PTPN14: variants seen among roughly 807,000 people sequenced by gnomAD.
PTPN14 encodes the protein protein tyrosine phosphatase non-receptor type 14.
PTPN14 carries 53 observed loss-of-function variants against 126.8 expected under a neutral mutation model. The ratio of observed to expected loss-of-function variants is 0.42; its 90% CI spans 0.34 to 0.53. The LOEUF (loss-of-function observed/expected upper bound fraction) is 0.53, where lower values mean the gene tolerates loss of function less well. Among genes scored for constraint, PTPN14 ranks in the 20% least tolerant of loss-of-function variants. The pLI is 0.08. For missense variants in PTPN14, 1,257 were observed against 1,552.9 expected (o/e 0.81, Z 3.20); for synonymous variants, 630 against 599.3 (o/e 1.05, Z -0.75).
intron 1 of PTPN14, among the ~76,000 whole-genome samples, chr1:214,479,406 C>A (rs542948621): frequency 6.8e-6 from 1 of 147,688 alleles, no homozygotes; most frequent in Non-Finnish European, 1.5e-5. Context: ...ATGGCGTGAT[C>A]TTGGCTCACT....
At position 214,509,987 on chromosome 1, in the gene PTPN14, A is replaced by G. The variant is rs960314522; in HGVS notation, c.-155+41196T>C. 3.0e-4 allele frequency among the ~76,000 whole-genome samples: 46 copies of G among 152,340 alleles called. 1 individual carries two copies. Among genetic ancestry groups the G allele is most frequent in the African/African-American group, 1.1e-3 (44 of 41,578 alleles). ...GGAACATCACACACCGGGGCCTTTC[A>G]GGTAGCTTTCAGGCTATCTTGGCTT... On this transcript the variant is annotated intron_variant, in intron 1 of 18. Transcript: ENST00000366956.
intron 2 of PTPN14, among the ~76,000 whole-genome samples, chr1:214,455,478 C>T (rs1660362113): frequency 6.6e-6 from 1 of 152,138 alleles, no homozygotes; most frequent in Admixed American, 6.5e-5. Context: ...CATGATACCT[C>T]CTCTGGGTGA....
intron 1 of PTPN14, among the ~76,000 whole-genome samples, chr1:214,481,171 T>C (rs1660976427): frequency 6.6e-6 from 1 of 152,124 alleles, no homozygotes; most frequent in African/African-American, 2.4e-5. Context: ...AAATGCAACA[T>C]TTGAAACAGA....
intron 2 of PTPN14, among the ~76,000 whole-genome samples, chr1:214,456,520 A>G (rs1660386840): frequency 6.6e-6 from 1 of 152,152 alleles, no homozygotes; most frequent in South Asian, 2.1e-4. Flanking sequence ...TAGGTCTGAG[A>G]TTTCTATAAC....
At chr1:214,369,805 G>A (rs1166749208) in intron 16 of PTPN14, 114 bp from the exon 17 acceptor site, 4 of 889,484 alleles carry the variant, frequency 4.5e-6, no homozygotes, top group African/African-American at 3.3e-5. Flanking sequence ...CGCTAGTTCA[G>A]TAGCACTCTG....
intron 1 of PTPN14, among the ~76,000 whole-genome samples, chr1:214,547,910 GAAAA>G (rs57550281): frequency 8.0e-6 from 1 of 125,524 alleles, no homozygotes; most frequent in East Asian, 2.3e-4. Context: ...CCAATAGACT[GAAAA>G]AAAAAAAAAA....
chr1:214,459,562 C>T (rs1660462710), intron 2 of PTPN14, among the ~76,000 whole-genome samples: 1 of 151,762 alleles, frequency 6.6e-6, no homozygotes, highest in African/African-American at 2.4e-5. Flanking sequence ...CTCCAACTCC[C>T]TGGTTCAAGT....
At position 214,364,495 on chromosome 1, in the gene PTPN14, A is replaced by G. The variant is rs1361666282; in HGVS notation, c.3435+17T>C. 1 of 1,611,996 alleles carries G rather than the reference A, an allele frequency of 6.2e-7. No homozygotes were observed. Among genetic ancestry groups the G allele is most frequent in the Admixed American group, 1.7e-5 (1 of 59,878 alleles). On this transcript the variant is annotated intron_variant, in intron 18 of 18. Transcript: ENST00000366956. The surrounding 1 kb of genome is among the most constrained non-coding windows in gnomAD (Gnocchi z 4.1). ...CCCCAAGGTGGAGTATCCGGAGAGA[A>G]GCCCAGAATGACTCACTTCGTTATG... is the stretch of plus-strand genomic sequence containing the variant.
chr1:214,504,791 GAGGTA>G (rs1654792463), intron 1 of PTPN14, among the ~76,000 whole-genome samples: 1 of 152,116 alleles, frequency 6.6e-6, no homozygotes, highest in Non-Finnish European at 1.5e-5. Flanking sequence ...TTTCCTGCAG[GAGGTA>G]AGGTAACATA....
intron 3 of PTPN14, among the ~76,000 whole-genome samples, chr1:214,434,382 C>T (rs193003778): frequency 6.6e-6 from 1 of 152,160 alleles, no homozygotes; most frequent in East Asian, 1.9e-4. Flanking sequence ...CCAGGGCTGG[C>T]AGTGTCCTCT....
chr1:214,412,691 ATTAGTTAGAGAAGGT>A (rs1026559806), intron 4 of PTPN14, among the ~76,000 whole-genome samples: 4 of 152,218 alleles, frequency 2.6e-5, no homozygotes, highest in African/African-American at 4.8e-5. Flanking sequence ...TTTGAAAAGG[ATTAGTTAGAGAAGGT>A]TTCATCAGAC....
intron 1 of PTPN14, chr1:214,528,336 T>G (rs950980333): frequency 6.6e-6 from 1 of 152,136 alleles, no homozygotes; most frequent in African/African-American, 2.4e-5. Flanking sequence ...ATAACCCAAA[T>G]AGTCAACAAA....
At chr1:214,492,836 T>G (rs1661280428) in intron 1 of PTPN14, among the ~76,000 whole-genome samples, 1 of 150,388 alleles carries the variant, frequency 6.6e-6, no homozygotes, top group Non-Finnish European at 1.5e-5. Flanking sequence ...AGGCAGAGGT[T>G]GCAGTGAGCC....
At chr1:214,464,429 G>A (rs1036374313) in intron 2 of PTPN14, among the ~76,000 whole-genome samples, 18 of 152,128 alleles carry the variant, frequency 1.2e-4, no homozygotes, top group African/African-American at 4.1e-4. Context: ...AGCTCTAGGC[G>A]GTGTTCAAGT....
rs1229566789 is a variant in PTPN14, at chr1:214,356,112, C to T, written c.*1810G>A. On this transcript the variant is annotated 3_prime_UTR_variant, in exon 19 of 19. Coordinates refer to ENST00000366956, the MANE Select transcript of PTPN14 (RefSeq NM_005401.5). ...CAGCTGGGACTACCAGGGCATACCA[C>T]CACGCCTGGCTAATTTTTGTACTTT... 2 of 152,084 alleles carry T rather than the reference C, an allele frequency of 1.3e-5. No homozygotes were observed. The highest frequency in any genetic ancestry group is 2.4e-5 in the African/African-American group (1 of 41,356). 9.4% of individuals were successfully genotyped at this position (152,084 alleles called of 1,614,324 possible).
chr1:214,491,113 C>T (rs1661238323), intron 1 of PTPN14, among the ~76,000 whole-genome samples: 1 of 151,912 alleles, frequency 6.6e-6, no homozygotes, highest in Non-Finnish European at 1.5e-5. Flanking sequence ...TATGGCATAA[C>T]CCCCTACCCA....
intron 17 of PTPN14, among the ~76,000 whole-genome samples, chr1:214,368,464 G>A (rs1658137157): frequency 1.3e-5 from 2 of 152,080 alleles, no homozygotes; most frequent in African/African-American, 2.4e-5. Flanking sequence ...GCCTCCCAAA[G>A]TGCTGGGATT....
chr1:214,366,367 C>A (rs780834981), intron 17 of PTPN14, among the ~76,000 whole-genome samples: 1 of 152,142 alleles, frequency 6.6e-6, no homozygotes, highest in Non-Finnish European at 1.5e-5. Flanking sequence ...AGAGACAAAG[C>A]TTTACTTGAG....
chr1:214,394,135 T>G (rs1658822230), intron 9 of PTPN14, among the ~76,000 whole-genome samples: 1 of 152,234 alleles, frequency 6.6e-6, no homozygotes, highest in South Asian at 2.1e-4. Flanking sequence ...TTGGAGGCAG[T>G]GAGATGCCTT....
Sources: gnomAD v4.1 joint callset for allele counts (sites outside exome capture counted in the v4.1 genomes callset) on GRCh38, gnomAD v4.1.1 for gene constraint, Gnocchi (gnomAD v3.1) non-coding constraint, MANE v1.5 for transcripts, NCBI Gene and HGNC (gene_info 2026-07-23, HGNC 2026-07-21) for gene names.